The following PCDHGA7 variants were observed in gnomAD, a reference collection of about 807,000 sequenced individuals.
The protein encoded by PCDHGA7 is protocadherin gamma-A7.
PCDHGA7 carries 44 observed loss-of-function variants against 58.3 expected under a neutral mutation model. The ratio of observed to expected loss-of-function variants is 0.75; its 90% confidence interval spans 0.59 to 0.97. The LOEUF (loss-of-function observed/expected upper bound fraction) is 0.97, where lower values mean the gene tolerates loss of function less well. PCDHGA7 is among the 50% of genes least tolerant of loss of function. The pLI is 0.00. For missense variants in PCDHGA7, 1,266 were observed against 1,188.7 expected (o/e 1.06, Z -0.96); for synonymous variants, 516 against 504.2 (o/e 1.02, Z -0.31).
chr5:141,491,802 G>A lies in PCDHGA7; in HGVS notation c.2425-3005G>A. 6.7e-7 allele frequency: 1 copy of A among 1,497,480 alleles called. No homozygotes were observed. Among genetic ancestry groups the A allele is most frequent in the East Asian group, 2.5e-5 (1 of 40,518 alleles). The allele number at this position is 1,497,480 out of a possible 1,614,324, so 92.8% of individuals were successfully genotyped here. ...ACTTGCATCCACTCCTCTCCGGCCG[G>A]CTTGGTCGCTGGCTGCGCTCCACCC... On this transcript the variant is annotated intron_variant, in intron 1 of 3. Coordinates refer to ENST00000518325, the MANE Select transcript of PCDHGA7 (RefSeq NM_018920.4). The surrounding 1 kb of genome is among the most constrained non-coding windows in gnomAD (Gnocchi z 6.9).
chr5:141,408,729 C>T (rs767933076), intron 1 of PCDHGA7: 9 of 1,610,240 alleles, frequency 5.6e-6, no homozygotes, highest in Non-Finnish European at 7.6e-6. Flanking sequence ...AACTCTAATC[C>T]TTATTTTTCA....
At chr5:141,397,225 T>C (rs2093492124) in intron 1 of PCDHGA7, among the ~76,000 whole-genome samples, 1 of 151,338 alleles carries the variant, frequency 6.6e-6, no homozygotes, top group Non-Finnish European at 1.5e-5. Context: ...TTTTGAGATA[T>C]GAAGAAGAGC....
At chr5:141,438,282 T>C (rs915347472) in intron 1 of PCDHGA7, among the ~76,000 whole-genome samples, 1 of 151,630 alleles carries the variant, frequency 6.6e-6, no homozygotes, top group African/African-American at 2.4e-5. Context: ...CAAAATAATT[T>C]AATCTGTATG....
At position 141,477,754 on chromosome 5, in the gene PCDHGA7, C is replaced by T. The variant is rs1325020341; in HGVS notation, c.2425-17053C>T. The T allele has an allele frequency of 3.7e-6, 6 of 1,613,928 alleles. No homozygotes were observed. Among genetic ancestry groups the T allele is most frequent in the Non-Finnish European group, 5.1e-6 (6 of 1,180,046 alleles). On this transcript the variant is annotated intron_variant, in intron 1 of 3. Coordinates refer to ENST00000518325, the MANE Select transcript of PCDHGA7 (RefSeq NM_018920.4). The surrounding 1 kb of genome is among the most constrained non-coding windows in gnomAD (Gnocchi z 4.9). Reference sequence around the variant, plus strand: ...ATATCAGCGATGGGGGCACCCCGGTCCTAGCCACCAACATCAGCGTGAACA... The same window carrying T: ...ATATCAGCGATGGGGGCACCCCGGTTCTAGCCACCAACATCAGCGTGAACA...
At chr5:141,421,941 T>C (rs186605459) in intron 1 of PCDHGA7, 2 of 1,613,456 alleles carry the variant, frequency 1.2e-6, no homozygotes, top group East Asian at 4.5e-5. Context: ...ATGTAAATGA[T>C]CACATCCCAA....
At chr5:141,471,079 C>T (rs1169560328) in intron 1 of PCDHGA7, among the ~76,000 whole-genome samples, 1 of 145,256 alleles carries the variant, frequency 6.9e-6, no homozygotes, top group African/African-American at 2.5e-5. Context: ...GACAGGGTCT[C>T]CCTCTGTTGT....
At chr5:141,395,521 T>C in intron 1 of PCDHGA7, 1 of 388,366 alleles carries the variant, frequency 2.6e-6, no homozygotes, top group East Asian at 5.0e-5. Context: ...TACCCGTCCA[T>C]ACTGGTAATT....
intron 1 of PCDHGA7, among the ~76,000 whole-genome samples, chr5:141,480,615 AT>A (rs1279544819): frequency 2.0e-5 from 3 of 152,218 alleles, no homozygotes; most frequent in African/African-American, 7.2e-5. Context: ...AGCAACTGGC[AT>A]TTTCCCTAGA....
At chr5:141,422,198 A>G (rs2096632774) in intron 1 of PCDHGA7, 1 of 1,562,340 alleles carries the variant, frequency 6.4e-7, no homozygotes, top group Non-Finnish European at 8.6e-7. Flanking sequence ...CAAGGCCAAG[A>G]TGGTGGAGGT....
At position 141,477,137 on chromosome 5, in the gene PCDHGA7, G is replaced by A; in HGVS notation, c.2425-17670G>A. 1 of 1,614,200 alleles carries A rather than the reference G, an allele frequency of 6.2e-7. No individual in the cohort carries two copies. The highest frequency in any genetic ancestry group is 8.5e-7 in the Non-Finnish European group (1 of 1,180,050). On this transcript the variant is annotated intron_variant, in intron 1 of 3. Coordinates refer to ENST00000518325, the MANE Select transcript of PCDHGA7 (RefSeq NM_018920.4). The surrounding 1 kb of genome is among the most constrained non-coding windows in gnomAD (Gnocchi z 4.9). ...AGGAGCACATTGCAAAGTGTTGGTG[G>A]AGGTTGTGGATGTGAATGACAACGC...
chr5:141,462,375 T>G (rs2099038282), intron 1 of PCDHGA7, among the ~76,000 whole-genome samples: 1 of 152,252 alleles, frequency 6.6e-6, no homozygotes, highest in Non-Finnish European at 1.5e-5. Context: ...TTCTATTCTT[T>G]TAAATTCGTT....
intron 1 of PCDHGA7, chr5:141,408,314 C>A (rs1408322838): frequency 1.2e-6 from 2 of 1,613,846 alleles, no homozygotes; most frequent in Admixed American, 3.3e-5. Context: ...CTACTCGATT[C>A]CGGAGGAGCT....
chr5:141,498,230 C>T (rs2099782452), intron 2 of PCDHGA7, among the ~76,000 whole-genome samples: 1 of 152,200 alleles, frequency 6.6e-6, no homozygotes, highest in African/African-American at 2.4e-5. Flanking sequence ...GATGGTCAGG[C>T]ATACCAGCTT....
At chr5:141,426,767 A>G (rs1219028777) in intron 1 of PCDHGA7, 1 of 456,548 alleles carries the variant, frequency 2.2e-6, no homozygotes, top group Admixed American at 2.3e-5. Flanking sequence ...ATGCAGATGT[A>G]GGGCCTCACT....
intron 1 of PCDHGA7, among the ~76,000 whole-genome samples, chr5:141,438,614 A>G (rs1208036297): frequency 5.8e-5 from 2 of 34,396 alleles, no homozygotes. Context: ...ATATATATAT[A>G]TATATATATA....
chr5:141,486,421 G>A lies in PCDHGA7; in HGVS notation c.2425-8386G>A, dbSNP rs772631503. ...TGACTGCTGGACCCTTGGATCGAGA[G>A]GCCAAATCTAGCTATGACATCATGG... On this transcript the variant is annotated intron_variant, in intron 1 of 3. Coordinates refer to ENST00000518325, the MANE Select transcript of PCDHGA7 (RefSeq NM_018920.4). This position sits in a 1 kb window ranked among gnomAD's most constrained non-coding sequence, Gnocchi z 5.0. 2.5e-6 allele frequency: 4 copies of A among 1,614,152 alleles called. No homozygotes were observed. In the East Asian group the frequency reaches 6.7e-5, roughly 27 times the overall value.
intron 1 of PCDHGA7, among the ~76,000 whole-genome samples, chr5:141,452,114 A>C (rs1443131264): frequency 1.3e-5 from 2 of 152,098 alleles, no homozygotes; most frequent in Admixed American, 1.3e-4. Flanking sequence ...TTCTCTTCTT[A>C]TTTATTCATA....
intron 2 of PCDHGA7, among the ~76,000 whole-genome samples, chr5:141,500,674 G>T (rs554174451): frequency 4.2e-4 from 64 of 152,122 alleles, no homozygotes; most frequent in Non-Finnish European, 6.6e-4. Flanking sequence ...CTGTCCAACA[G>T]AATTATAGCT....
intron 1 of PCDHGA7, chr5:141,478,509 G>A: frequency 1.2e-6 from 2 of 1,611,878 alleles, no homozygotes; most frequent in South Asian, 1.1e-5. Flanking sequence ...GTGTTCTATA[G>A]GCAGGTGTTG....
Sources: gnomAD v4.1 joint callset for allele counts (sites outside exome capture counted in the v4.1 genomes callset) on GRCh38, gnomAD v4.1.1 for gene constraint, Gnocchi (gnomAD v3.1) non-coding constraint, MANE v1.5 for transcripts, NCBI Gene and HGNC (gene_info 2026-07-23, HGNC 2026-07-21) for gene names.